The following TVP23C variants were observed in gnomAD, a reference collection of about 807,000 sequenced individuals.
TVP23C encodes the protein trans-golgi network vesicle protein 23 homolog C.
TVP23C carries 19 observed loss-of-function variants against 28.7 expected under a neutral mutation model. The observed-to-expected ratio is 0.66, with a 90% CI of 0.46 to 0.97. The LOEUF is 0.97. TVP23C is among the 50% of genes least tolerant of loss of function. The pLI, the probability that TVP23C is intolerant of heterozygous loss-of-function variation, is 0.00. For synonymous variants in TVP23C, 68 were observed against 81.7 expected, an observed-to-expected ratio of 0.83 and a Z score of 0.90; for missense variants, 186 against 241.3, an observed-to-expected ratio of 0.77 and a Z score of 1.52.
At chr17:15,545,287 A>G (rs1388825839) in intron 5 of TVP23C, among the ~76,000 whole-genome samples, 1 of 152,176 alleles carries the variant, frequency 6.6e-6, no homozygotes, top group Non-Finnish European at 1.5e-5. Flanking sequence ...TGCCATGAGG[A>G]AGCCCAAACC....
chr17:15,553,878 G>A (rs773895742), intron 2 of TVP23C, 49 bp from the exon 3 acceptor site: 8 of 1,609,496 alleles, frequency 5.0e-6, no homozygotes, highest in Non-Finnish European at 6.8e-6. Flanking sequence ...TTTACTACAG[G>A]TACTAGCAAA....
At chr17:15,504,621 G>T (rs561270456) in intron 5 of TVP23C, among the ~76,000 whole-genome samples, 1 of 152,188 alleles carries the variant, frequency 6.6e-6, no homozygotes, top group East Asian at 1.9e-4. Context: ...AGAGTGCAGT[G>T]GGGTGATCAC....
chr17:15,518,905 G>A (rs1312469038), intron 5 of TVP23C, among the ~76,000 whole-genome samples: 1 of 152,168 alleles, frequency 6.6e-6, no homozygotes, highest in East Asian at 1.9e-4. Flanking sequence ...ACCTGGTGCG[G>A]GTGACTGCAT....
At chr17:15,502,975 G>A in exon 6 of TVP23C, 2 of 1,614,130 alleles carry the variant, frequency 1.2e-6, no homozygotes, top group Non-Finnish European at 1.7e-6. Context: ...AGAGAAATAG[G>A]CGGGCGGGCG....
At chr17:15,519,734 C>T (rs1484202851) in intron 5 of TVP23C, among the ~76,000 whole-genome samples, 1 of 151,984 alleles carries the variant, frequency 6.6e-6, no homozygotes, top group South Asian at 2.1e-4. Flanking sequence ...TATGGTGAAG[C>T]CCTGTATCTA....
chr17:15,512,582 T>A (rs546184451), intron 5 of TVP23C, among the ~76,000 whole-genome samples: 1 of 152,186 alleles, frequency 6.6e-6, no homozygotes. Flanking sequence ...TGGAAAGCAA[T>A]CTCTGTTGCC....
rs757073784 is a variant in TVP23C, at chr17:15,538,140, T to C, written c.*2272A>G. On this transcript the variant is annotated 3_prime_UTR_variant, in exon 6 of 6. Coordinates refer to ENST00000518321, the MANE Select transcript of TVP23C (RefSeq NM_001135036.2). ...AGCTTTCTCTATTCAGGAAGTCTGATCATCTCCAGTGTTCCGCAAAAGACA... is the reference window on the plus strand; with the variant it reads ...AGCTTTCTCTATTCAGGAAGTCTGACCATCTCCAGTGTTCCGCAAAAGACA... 1 of 1,613,836 alleles carries C rather than the reference T, an allele frequency of 6.2e-7. No homozygotes were observed. Among genetic ancestry groups the C allele is most frequent in the Admixed American group, 1.7e-5 (1 of 59,980 alleles).
In TVP23C at chr17:15,545,916, C is replaced by A. The variant is rs1201217436; in HGVS notation, c.331G>T (p.Glu111Ter). The A allele has an allele frequency of 1.9e-6, 3 of 1,599,862 alleles. No individual in the cohort carries two copies. In the African/African-American group the frequency reaches 4.1e-5, roughly 22 times the overall value. ...KSHWVFESRK[E>*]SSQENKTVSE... is the part of the protein sequence containing the mutation. ...ACAGTTTTATTCTCTTGAGAGGACTCCTATAAAAGAACATAAATTCAATTA... is the reference window on the plus strand; with the variant it reads ...ACAGTTTTATTCTCTTGAGAGGACTACTATAAAAGAACATAAATTCAATTA... The change falls in exon 5 of 6, where the codon GAG becomes TAG. Residue 111 changes from glutamate to a stop codon, truncating the protein, a stop_gained and splice_region_variant. Coordinates refer to ENST00000518321, the MANE Select transcript of TVP23C (RefSeq NM_001135036.2). LOFTEE classifies it high-confidence loss of function.
intron 3 of TVP23C, among the ~76,000 whole-genome samples, chr17:15,550,974 T>G (rs1037758920): frequency 3.9e-5 from 6 of 152,216 alleles, no homozygotes; most frequent in African/African-American, 1.2e-4. Context: ...TTACATCACT[T>G]TATACATGTA....
chr17:15,551,831 A>C (rs1262377222), intron 3 of TVP23C, among the ~76,000 whole-genome samples: 2 of 152,172 alleles, frequency 1.3e-5, no homozygotes, highest in South Asian at 4.1e-4. Context: ...TAGTAAGTAC[A>C]TTGAGATTTA....
rs1435016401 is a variant in TVP23C, at chr17:15,553,790, GAC to G, written c.133_134del (p.Val45GlnfsTer10). On this transcript the variant is annotated frameshift_variant, in exon 3 of 6. Transcript: ENST00000518321. LOFTEE classifies it high-confidence loss of function. ...AGAGAAGACAGACGATGATTGCACT[GAC>G]TCGAAAGAATAAGTGGAAAAACGAT... ...VASFFHLFFR[V>X]SAIIVCLLCE... 3 of 1,613,830 alleles carry G rather than the reference GAC, an allele frequency of 1.9e-6. No individual in the cohort carries two copies. Among genetic ancestry groups the G allele is most frequent in the Non-Finnish European group, 2.5e-6 (3 of 1,179,866 alleles).
At chr17:15,518,387 C>A (rs1414699018) in intron 5 of TVP23C, among the ~76,000 whole-genome samples, 1 of 152,132 alleles carries the variant, frequency 6.6e-6, no homozygotes, top group African/African-American at 2.4e-5. Context: ...GTGCATCATC[C>A]AGAAGGCGTC....
chr17:15,561,080 A>G (rs1303899528), intron 1 of TVP23C, among the ~76,000 whole-genome samples: 10 of 152,230 alleles, frequency 6.6e-5, no homozygotes, highest in Non-Finnish European at 1.5e-4. Context: ...CTGAGTAAAC[A>G]TGCAAATAAA....
intron 5 of TVP23C, chr17:15,503,288 C>A: frequency 1.4e-6 from 2 of 1,441,266 alleles, no homozygotes; most frequent in Non-Finnish European, 1.8e-6. Flanking sequence ...GCCTGTGGTT[C>A]CAGCTACTTG....
exon 6 of TVP23C, chr17:15,502,776 C>CT (rs1981516316): frequency 1.4e-6 from 2 of 1,449,606 alleles, no homozygotes; most frequent in African/African-American, 2.9e-5. Flanking sequence ...CTCCGTCACT[C>CT]TCTTCCCTCC....
chr17:15,539,325 C>A lies in TVP23C; in HGVS notation c.*1087G>T. 1 of 985,512 alleles carries A rather than the reference C, an allele frequency of 1.0e-6. No individual in the cohort carries two copies. Among genetic ancestry groups the A allele is most frequent in the South Asian group, 4.7e-5 (1 of 21,288 alleles). The allele number at this position is 985,512 out of a possible 1,614,324, so 61.0% of individuals were successfully genotyped here. A position where few individuals can be genotyped will look rare whatever the true frequency, so the allele number is the denominator to read the frequency against. On this transcript the variant is annotated 3_prime_UTR_variant, in exon 6 of 6. Transcript: ENST00000518321. ...TATTACTCATATAAAGACCTAGTCA[C>A]GGCCAGGCGCCGTGGCTCACGCCTG...
rs1276830348 is a variant in TVP23C at position 15,538,810 on chromosome 17, C to T, written c.*1602G>A. On this transcript the variant is annotated 3_prime_UTR_variant, in exon 6 of 6. Coordinates refer to ENST00000518321, the MANE Select transcript of TVP23C (RefSeq NM_001135036.2). ...ACACTGAAAATTCTAACGAAAAAAA[C>T]CTAATAAGCACATACATGAAAGTTA... The T allele has an allele frequency of 4.1e-6, 4 of 985,268 alleles. No individual in the cohort carries two copies. The South Asian group carries it at 1.9e-4, about 46-fold the overall frequency. The allele number at this position is 985,268 out of a possible 1,614,324, so 61.0% of individuals were successfully genotyped here.
At chr17:15,516,918 G>C (rs1013486319) in intron 5 of TVP23C, among the ~76,000 whole-genome samples, 1 of 152,286 alleles carries the variant, frequency 6.6e-6, no homozygotes, top group East Asian at 1.9e-4. Context: ...GCATCCCACA[G>C]TGTGTGCTGT....
chr17:15,520,228 A>T (rs1322537104), intron 5 of TVP23C, among the ~76,000 whole-genome samples: 1 of 151,326 alleles, frequency 6.6e-6, no homozygotes, highest in East Asian at 1.9e-4. Flanking sequence ...TACAGAACAC[A>T]AACAACCCCT....
Sources: allele counts gnomAD v4.1 joint callset (sites outside exome capture counted in the v4.1 genomes callset), GRCh38; gene constraint gnomAD v4.1.1; transcripts MANE v1.5; gene names NCBI Gene and HGNC (gene_info 2026-07-23, HGNC 2026-07-21).